The following SEMA6D variants were observed in gnomAD, a reference collection of about 807,000 sequenced individuals.
The protein encoded by SEMA6D is semaphorin 6D, also known as semaphorin-6D.
In SEMA6D, 35 loss-of-function variants were observed where a neutral mutation model predicts 106.6. The ratio of observed to expected loss-of-function variants is 0.33; its 90% CI spans 0.25 to 0.44. The LOEUF is 0.44. Among genes scored for constraint, SEMA6D ranks in the 20% least tolerant of loss-of-function variants. SEMA6D has a pLI of 1.00. For synonymous variants in SEMA6D, 499 were observed against 487.7 expected (o/e 1.02, Z -0.31); for missense variants, 1,185 against 1,345.9 (o/e 0.88, Z 1.87).
chr15:47,676,377 A>G (rs1179367488), intron 4 of SEMA6D, among the ~76,000 whole-genome samples: 1 of 152,196 alleles, frequency 6.6e-6, no homozygotes, highest in Non-Finnish European at 1.5e-5. Flanking sequence ...GAGAGAAAGT[A>G]AAGTAGAATG....
At chr15:47,444,252 T>C (rs1186824119) in intron 2 of SEMA6D, among the ~76,000 whole-genome samples, 1 of 152,168 alleles carries the variant, frequency 6.6e-6, no homozygotes, top group Non-Finnish European at 1.5e-5. Context: ...CAGAGGAGAT[T>C]GTGTCCCCCA....
chr15:47,356,866 T>C (rs2038594253), intron 1 of SEMA6D, among the ~76,000 whole-genome samples: 1 of 152,154 alleles, frequency 6.6e-6, no homozygotes, highest in Admixed American at 6.5e-5. Context: ...CCAATACACA[T>C]GTATAAAACA....
chr15:47,597,170 T>G (rs1362513541), intron 3 of SEMA6D, among the ~76,000 whole-genome samples: 1 of 152,030 alleles, frequency 6.6e-6, no homozygotes, highest in Non-Finnish European at 1.5e-5. Flanking sequence ...GATGAGATAT[T>G]ACTTCCCACC....
intron 4 of SEMA6D, among the ~76,000 whole-genome samples, chr15:47,674,985 T>C (rs764627611): frequency 8.5e-5 from 13 of 152,156 alleles, no homozygotes; most frequent in Non-Finnish European, 1.6e-4. Context: ...AAACGAATGG[T>C]GAGCCTCCGC....
intron 4 of SEMA6D, among the ~76,000 whole-genome samples, chr15:47,636,848 T>A (rs1448863113): frequency 6.6e-6 from 1 of 152,204 alleles, no homozygotes; most frequent in African/African-American, 2.4e-5. Context: ...TATCAGTGTT[T>A]CTTTCTGTTC....
At chr15:47,434,681 A>C (rs976557917) in intron 2 of SEMA6D, among the ~76,000 whole-genome samples, 5 of 152,168 alleles carry the variant, frequency 3.3e-5, no homozygotes, top group African/African-American at 1.2e-4. Context: ...GCACATAAAT[A>C]ATGTCTAGTA....
chr15:47,730,816 A>G (rs1346433066), intron 1 of SEMA6D: 27 of 1,557,788 alleles, frequency 1.7e-5, no homozygotes, highest in Admixed American at 1.7e-4. Flanking sequence ...GTCCTGTCCA[A>G]TGCCAAAATT....
intron 4 of SEMA6D, among the ~76,000 whole-genome samples, chr15:47,707,009 A>G (rs1001080649): frequency 6.6e-6 from 1 of 152,180 alleles, no homozygotes; most frequent in Non-Finnish European, 1.5e-5. Context: ...ATTATATCCT[A>G]TACATTTCAG....
intron 1 of SEMA6D, among the ~76,000 whole-genome samples, chr15:47,372,345 T>C (rs2039303848): frequency 6.6e-6 from 1 of 152,206 alleles, no homozygotes; most frequent in African/African-American, 2.4e-5. Flanking sequence ...TGGGACACTC[T>C]CTGACAGGAA....
rs532144844 is a variant in SEMA6D, at chr15:47,550,069, A to G, written c.-86-50796A>G. On this transcript the variant is annotated intron_variant, in intron 3 of 19. Transcript: ENST00000558014. ...TTGGCCTTTTGAGACACTGGAGAAC[A>G]TGTTGCTATGGTATGGTGCTTTATA... 1.2e-4 allele frequency among the ~76,000 whole-genome samples: 19 copies of G among 152,332 alleles called. No homozygotes were observed. The East Asian group carries it at 3.1e-3, about 25-fold the overall frequency.
intron 1 of SEMA6D, among the ~76,000 whole-genome samples, chr15:47,409,072 A>G (rs60933109): frequency 0.01 from 1,552 of 152,344 alleles, 35 homozygotes; most frequent in African/African-American, 0.035. Flanking sequence ...AGGACAAGAG[A>G]ACCTAGTGAT....
intron 3 of SEMA6D, among the ~76,000 whole-genome samples, chr15:47,591,147 T>C (rs530349500): frequency 3.9e-4 from 59 of 152,326 alleles, no homozygotes; most frequent in Admixed American, 2.9e-3. Flanking sequence ...AATGGCACTT[T>C]GTTGCTGCAT....
chr15:47,256,330 T>C (rs2033801008), intron 1 of SEMA6D, among the ~76,000 whole-genome samples: 1 of 152,216 alleles, frequency 6.6e-6, no homozygotes, highest in South Asian at 2.1e-4. Flanking sequence ...AGCTTTCCAA[T>C]CCATGAATAT....
chr15:47,216,574 A>G (rs574024679), intron 1 of SEMA6D, among the ~76,000 whole-genome samples: 26 of 152,176 alleles, frequency 1.7e-4, no homozygotes, highest in Admixed American at 3.9e-4. Flanking sequence ...TGCTTTCTGA[A>G]AAATGTTTCT....
At chr15:47,494,017 A>G (rs945838768) in intron 3 of SEMA6D, among the ~76,000 whole-genome samples, 3 of 152,186 alleles carry the variant, frequency 2.0e-5, no homozygotes, top group African/African-American at 7.2e-5. Flanking sequence ...GAATGATATT[A>G]TGCATATGTG....
At chr15:47,428,809 C>G (rs2041429986) in intron 2 of SEMA6D, among the ~76,000 whole-genome samples, 1 of 151,772 alleles carries the variant, frequency 6.6e-6, no homozygotes, top group South Asian at 2.1e-4. Flanking sequence ...TGATTTTTGT[C>G]TCCCTGGCAA....
At chr15:47,338,753 A>G (rs1408508047) in intron 1 of SEMA6D, among the ~76,000 whole-genome samples, 3 of 152,150 alleles carry the variant, frequency 2.0e-5, no homozygotes, top group Admixed American at 6.5e-5. Context: ...TGATGTTATG[A>G]TAGATATATT....
intron 3 of SEMA6D, among the ~76,000 whole-genome samples, chr15:47,474,942 G>C (rs1460323356): frequency 6.6e-6 from 1 of 152,174 alleles, no homozygotes; most frequent in African/African-American, 2.4e-5. Context: ...ATATATTCTG[G>C]ATGATATAGC....
At chr15:47,622,670 G>A (rs2077128795) in intron 4 of SEMA6D, among the ~76,000 whole-genome samples, 1 of 152,188 alleles carries the variant, frequency 6.6e-6, no homozygotes, top group Non-Finnish European at 1.5e-5. Flanking sequence ...GAAAGGAGAA[G>A]TCAATCAAGT....
Sources: allele counts gnomAD v4.1 joint callset (sites outside exome capture counted in the v4.1 genomes callset), GRCh38; gene constraint gnomAD v4.1.1; transcripts MANE v1.5; gene names NCBI Gene and HGNC (gene_info 2026-07-23, HGNC 2026-07-21).